PTPRR: variants seen among roughly 807,000 people sequenced by gnomAD.
PTPRR encodes the protein receptor-type tyrosine-protein phosphatase R.
In PTPRR, 38 loss-of-function variants were observed where a neutral mutation model predicts 77.2. The ratio of observed to expected loss-of-function variants is 0.49; its 90% CI spans 0.38 to 0.65. The LOEUF (loss-of-function observed/expected upper bound fraction) is 0.65. Ranked by LOEUF, PTPRR falls within the 30% of genes least tolerant of loss-of-function variation. The probability of loss-of-function intolerance (pLI) is 0.00; values close to 1 mark genes in which losing one functional copy is unlikely to be tolerated. For synonymous variants in PTPRR, 299 were observed against 283.1 expected (o/e 1.06, Z -0.57); for missense variants, 744 against 799.2 (o/e 0.93, Z 0.83).
At chr12:70,764,803 T>C (rs1890776544) in intron 2 of PTPRR, 25 bp from the exon 3 acceptor site, 4 of 1,522,630 alleles carry the variant, frequency 2.6e-6, no homozygotes, top group Non-Finnish European at 3.6e-6. Flanking sequence ...CAAAAATAAA[T>C]CCAAATTATA....
chr12:70,790,627 A>C (rs1230482821), intron 2 of PTPRR, among the ~76,000 whole-genome samples: 1 of 151,884 alleles, frequency 6.6e-6, no homozygotes, highest in Non-Finnish European at 1.5e-5. Flanking sequence ...TAAATAACCA[A>C]CTGGATCTTG....
chr12:70,771,546 TA>T (rs1890977978), intron 2 of PTPRR, among the ~76,000 whole-genome samples: 1 of 152,140 alleles, frequency 6.6e-6, no homozygotes, highest in Admixed American at 6.6e-5. Flanking sequence ...GAATCTAAAA[TA>T]AAAGTTGATT....
chr12:70,671,627 A>ACTGAAAT (rs1236899371), intron 10 of PTPRR, among the ~76,000 whole-genome samples: 1 of 152,250 alleles, frequency 6.6e-6, no homozygotes, highest in Non-Finnish European at 1.5e-5. Context: ...TCCTGTAAAG[A>ACTGAAAT]CTGAAATCTG....
intron 2 of PTPRR, chr12:70,789,064 G>T: frequency 2.2e-6 from 1 of 461,632 alleles, no homozygotes; most frequent in Non-Finnish European, 3.7e-6. Context: ...TGTTTCAACA[G>T]TTTACTAGAA....
intron 2 of PTPRR, among the ~76,000 whole-genome samples, chr12:70,817,602 C>CAGGCTGAGA (rs1239783726): frequency 6.6e-6 from 1 of 152,140 alleles, no homozygotes; most frequent in Non-Finnish European, 1.5e-5. Flanking sequence ...TACTTTTATA[C>CAGGCTGAGA]ACAGTCTTGT....
intron 1 of PTPRR, among the ~76,000 whole-genome samples, chr12:70,903,146 G>A (rs1446796579): frequency 1.3e-5 from 2 of 151,684 alleles, no homozygotes; most frequent in East Asian, 1.9e-4. Flanking sequence ...AGGATATAAA[G>A]TTTAAGATAG....
chr12:70,900,922 G>C (rs1893523078), intron 1 of PTPRR, among the ~76,000 whole-genome samples: 1 of 151,496 alleles, frequency 6.6e-6, no homozygotes, highest in African/African-American at 2.4e-5. Context: ...ATTGTTGTGG[G>C]AATGTAAATG....
In PTPRR at chr12:70,638,519, C is replaced by A. The variant is rs894835645; in HGVS notation, c.*665G>T. The A allele has an allele frequency of 1.3e-5, 2 of 152,474 alleles. No homozygotes were observed. Among genetic ancestry groups the A allele is most frequent in the African/African-American group, 4.8e-5 (2 of 41,406 alleles). 9.4% of individuals were successfully genotyped at this position (152,474 alleles called of 1,614,324 possible). On this transcript the variant is annotated 3_prime_UTR_variant, in exon 14 of 14. Transcript: ENST00000283228. Reference sequence around the variant, plus strand: ...TAATAGAGAGTAAATACATATATACCCAATGACAATCATTGTGCTCTGTAA... The same window carrying A: ...TAATAGAGAGTAAATACATATATACACAATGACAATCATTGTGCTCTGTAA...
chr12:70,761,735 TA>T, intron 3 of PTPRR, 109 bp from the exon 4 acceptor site: 1 of 851,428 alleles, frequency 1.2e-6, no homozygotes, highest in Non-Finnish European at 1.7e-6. Flanking sequence ...TCTAGAATCC[TA>T]AAAGGCTTTG....
chr12:70,748,776 A>G (rs1890291714), intron 5 of PTPRR, among the ~76,000 whole-genome samples: 1 of 152,174 alleles, frequency 6.6e-6, no homozygotes, highest in Non-Finnish European at 1.5e-5. Flanking sequence ...ACCAACCACT[A>G]GTCTTTAACA....
chr12:70,720,801 G>GC (rs1889222764), intron 6 of PTPRR, among the ~76,000 whole-genome samples: 5 of 151,876 alleles, frequency 3.3e-5, no homozygotes. Flanking sequence ...TTTTCTTATT[G>GC]GTACTACCAC....
intron 2 of PTPRR, among the ~76,000 whole-genome samples, chr12:70,825,187 A>G (rs1892087934): frequency 6.6e-6 from 1 of 152,186 alleles, no homozygotes; most frequent in African/African-American, 2.4e-5. Context: ...CTGAGGCAAG[A>G]GAATCGCTTG....
At chr12:70,686,198 C>T (rs1887863455) in intron 8 of PTPRR, among the ~76,000 whole-genome samples, 1 of 152,034 alleles carries the variant, frequency 6.6e-6, no homozygotes, top group Non-Finnish European at 1.5e-5. Context: ...CATTGAACAT[C>T]TTCTGGGTAA....
chr12:70,678,758 T>C (rs1477435447), intron 10 of PTPRR, among the ~76,000 whole-genome samples: 1 of 152,192 alleles, frequency 6.6e-6, no homozygotes, highest in Non-Finnish European at 1.5e-5. Flanking sequence ...CTCAGCTCAC[T>C]GCAACCTCTG....
intron 12 of PTPRR, among the ~76,000 whole-genome samples, chr12:70,659,413 A>T (rs1435612905): frequency 1.3e-5 from 2 of 152,188 alleles, no homozygotes; most frequent in Non-Finnish European, 2.9e-5. Flanking sequence ...AGGGAAAGCC[A>T]ATCTAGTGAC....
chr12:70,685,220 G>C (rs1042432977), intron 8 of PTPRR, among the ~76,000 whole-genome samples: 1 of 151,978 alleles, frequency 6.6e-6, no homozygotes. Context: ...ACCTCACCTT[G>C]TCTGACCATT....
intron 12 of PTPRR, among the ~76,000 whole-genome samples, chr12:70,658,045 A>C (rs986264235): frequency 2.0e-5 from 3 of 152,196 alleles, no homozygotes; most frequent in Non-Finnish European, 4.4e-5. Flanking sequence ...TAACTATAGC[A>C]TAATGTCTAA....
At chr12:70,701,075 G>C (rs1051499403) in intron 7 of PTPRR, 62 bp downstream of exon 7, 1 of 1,552,618 alleles carries the variant, frequency 6.4e-7, no homozygotes, top group African/African-American at 1.4e-5. Context: ...ATTTCCATAC[G>C]TCTCTAGTGC....
rs1264629045 is a variant in PTPRR at position 70,722,652 on chromosome 12, A to G, written c.1008-21329T>C. The stretch of plus-strand genomic sequence containing the variant: ...ACATTTTCTCTCAGAGTGTTCAGTG[A>G]CGAGGGATATGTTTATTTGGGATAA... On this transcript the variant is annotated intron_variant, in intron 6 of 13. Transcript: ENST00000283228. 2.0e-5 allele frequency among the ~76,000 whole-genome samples: 3 copies of G among 152,100 alleles called. No individual in the cohort carries two copies. The East Asian group carries it at 5.8e-4, about 29-fold the overall frequency.
Sources: gnomAD v4.1 joint callset for allele counts (sites outside exome capture counted in the v4.1 genomes callset) on GRCh38, gnomAD v4.1.1 for gene constraint, MANE v1.5 for transcripts, NCBI Gene and HGNC (gene_info 2026-07-23, HGNC 2026-07-21) for gene names.